Variants in MRPL3 observed in about 807,000 individuals in gnomAD.
MRPL3 encodes the protein mitochondrial ribosomal protein L3.
Under a neutral mutation model 44.3 loss-of-function variants are expected in MRPL3, and 43 were observed. The observed-to-expected ratio is 0.97, with a 90% CI of 0.76 to 1.25. The LOEUF is 1.25. Ranked by LOEUF, MRPL3 falls within the 50% of genes most tolerant of loss-of-function variation. The pLI, the probability that MRPL3 is intolerant of heterozygous loss-of-function variation, is 0.00. For missense variants in MRPL3, 406 were observed against 427.6 expected (o/e 0.95, Z 0.45); for synonymous variants, 171 against 152.3 (o/e 1.12, Z -0.91).
intron 3 of MRPL3, among the ~76,000 whole-genome samples, chr3:131,499,752 T>C (rs192273816): frequency 9.9e-5 from 15 of 151,850 alleles, no homozygotes; most frequent in Admixed American, 2.0e-4. Flanking sequence ...ATAATAATAA[T>C]AACAACAATG....
chr3:131,475,082 T>C (rs1353919890), intron 6 of MRPL3, among the ~76,000 whole-genome samples: 1 of 152,166 alleles, frequency 6.6e-6, no homozygotes, highest in Non-Finnish European at 1.5e-5. Context: ...ATGCCAGGCA[T>C]GTGACATATT....
At chr3:131,501,885 C>A in intron 1 of MRPL3, 170 bp from the exon 2 acceptor site, 1 of 1,539,462 alleles carries the variant, frequency 6.5e-7, no homozygotes. Context: ...TCCCCACATT[C>A]CTTCGGATAA....
rs68160977 is a variant in MRPL3, at chr3:131,478,708, A to ATTTT, written c.630-7433_630-7430dup. On this transcript the variant is annotated intron_variant, in intron 6 of 9. Coordinates refer to ENST00000264995, the MANE Select transcript of MRPL3 (RefSeq NM_007208.4). ...AGTTGCATCACCTGTGAAATATTCGATTTTTTTTTTTTTTTTTTGAGACAG... is the reference window on the plus strand; with the variant it reads ...AGTTGCATCACCTGTGAAATATTCGATTTTTTTTTTTTTTTTTTTTTTGAGACAG... Among the ~76,000 whole-genome samples the ATTTT allele has an allele frequency of 7.9e-3, 1,074 of 135,742 alleles. 23 individuals are homozygous for ATTTT. Among genetic ancestry groups the ATTTT allele is most frequent in the African/African-American group, 0.027 (979 of 36,066 alleles). The allele number at this position is 135,742 out of a possible 152,430, so 89.1% of individuals were successfully genotyped here. A position where few individuals can be genotyped will look rare whatever the true frequency, so the allele number is the denominator to read the frequency against.
At chr3:131,491,419 A>G (rs949935253) in intron 4 of MRPL3, among the ~76,000 whole-genome samples, 1 of 152,114 alleles carries the variant, frequency 6.6e-6, no homozygotes, top group African/African-American at 2.4e-5. Flanking sequence ...TCTAACTTCA[A>G]TTCCAAATTC....
chr3:131,462,792 C>T lies in MRPL3; in HGVS notation c.978G>A (p.Glu326=), dbSNP rs1933519622. 1 of 1,612,892 alleles carries T rather than the reference C, an allele frequency of 6.2e-7. No individual in the cohort carries two copies. The highest frequency in any genetic ancestry group is 8.5e-7 in the Non-Finnish European group (1 of 1,179,362). Reference sequence around the variant, plus strand: ...CATCATACAAATCTTCTGGCAGTTCCTCTTCATCTCCATCAGGAAAATATG... The same window carrying T: ...CATCATACAAATCTTCTGGCAGTTCTTCTTCATCTCCATCAGGAAAATATG... ...FPTYFPDGDE[E]ELPEDLYDEN... is the part of the protein sequence containing the mutation. Residue 326 remains glutamate, a synonymous_variant, in exon 10 of 10, where the codon GAG becomes GAA. Transcript: ENST00000264995.
rs143877226 is a variant in MRPL3, at chr3:131,501,551, G to A, written c.257C>T (p.Pro86Leu). The A allele has an allele frequency of 2.7e-5, 44 of 1,611,770 alleles. No homozygotes were observed. In the African/African-American group the frequency reaches 4.9e-4, roughly 18 times the overall value. Reference protein sequence around the residue: ...KLCPLKDEPWPIHPWEPGSFR... With the variant: ...KLCPLKDEPWLIHPWEPGSFR... ...ATCACCTGGTTCCCAAGGATGTATA[G>A]GCCATGGTTCATCTTTCAGAGGACA... Residue 86 changes from proline to leucine, a missense_variant, in exon 2 of 10, where the codon CCT (proline) becomes CTT (leucine). Coordinates refer to ENST00000264995, the MANE Select transcript of MRPL3 (RefSeq NM_007208.4).
intron 8 of MRPL3, 31 bp downstream of exon 8, chr3:131,469,665 G>C: frequency 6.7e-7 from 1 of 1,486,876 alleles, no homozygotes; most frequent in Non-Finnish European, 9.3e-7. Flanking sequence ...CAATTTAGCT[G>C]TTCCTAAAAA....
intron 6 of MRPL3, among the ~76,000 whole-genome samples, chr3:131,475,646 G>A (rs1256106452): frequency 6.6e-6 from 1 of 152,092 alleles, no homozygotes; most frequent in Non-Finnish European, 1.5e-5. Context: ...TTTTGGATGT[G>A]AAAACTCAAG....
intron 2 of MRPL3, 26 bp from the exon 3 acceptor site, chr3:131,500,547 G>A: frequency 6.3e-7 from 1 of 1,582,290 alleles, no homozygotes; most frequent in Non-Finnish European, 8.7e-7. Context: ...AAAGCAATGT[G>A]AACAAAAGCT....
chr3:131,491,106 A>C (rs983323718), intron 4 of MRPL3, among the ~76,000 whole-genome samples: 1 of 152,134 alleles, frequency 6.6e-6, no homozygotes, highest in African/African-American at 2.4e-5. Context: ...TTGACCACAT[A>C]TTCTTTAGCT....
rs144449733 is a variant in MRPL3, at chr3:131,492,338, T to C, written c.469-2258A>G. Among the ~76,000 whole-genome samples the C allele has an allele frequency of 7.2e-5, 11 of 152,252 alleles. No individual in the cohort carries two copies. The East Asian group carries it at 2.1e-3, about 29-fold the overall frequency. On this transcript the variant is annotated intron_variant, in intron 4 of 9. Coordinates refer to ENST00000264995, the MANE Select transcript of MRPL3 (RefSeq NM_007208.4). ...TATCTCCATGTGTCATGATACACAT[T>C]TTTTACTGTTTCTATGTCAGCAGTA...
chr3:131,477,542 G>A (rs998811161), intron 6 of MRPL3, among the ~76,000 whole-genome samples: 3 of 152,182 alleles, frequency 2.0e-5, no homozygotes, highest in Non-Finnish European at 4.4e-5. Context: ...TTCAGGAGCA[G>A]AGAGATTAAC....
At chr3:131,502,541 C>A (rs1242948015) in intron 1 of MRPL3, among the ~76,000 whole-genome samples, 189 bp downstream of exon 1, 1 of 152,182 alleles carries the variant, frequency 6.6e-6, no homozygotes, top group Non-Finnish European at 1.5e-5. Flanking sequence ...GGCTCATAAG[C>A]GTTTTTTAAA....
At chr3:131,492,533 A>G (rs1373131808) in intron 4 of MRPL3, among the ~76,000 whole-genome samples, 5 of 152,132 alleles carry the variant, frequency 3.3e-5, no homozygotes, top group Non-Finnish European at 2.9e-5. Flanking sequence ...CACAGCTCCT[A>G]TAGGGTTTGC....
chr3:131,490,143 G>T, intron 4 of MRPL3, 63 bp from the exon 5 acceptor site: 2 of 1,190,234 alleles, frequency 1.7e-6, no homozygotes, highest in Non-Finnish European at 2.5e-6. Flanking sequence ...TAAATGCATG[G>T]AGATCTAAAC....
rs763181807 is a variant in MRPL3 at position 131,498,279 on chromosome 3, T to TA, written c.370-3dup. 1.3e-6 allele frequency: 2 copies of TA among 1,583,694 alleles called. No homozygotes were observed. Among genetic ancestry groups the TA allele is most frequent in the Non-Finnish European group, 8.6e-7 (1 of 1,156,248 alleles). ...TTTTAAGACATGACAGTCTTGTACC[T>TA]AAAAAAACAAACATAAAAAAACTAA... On this transcript the variant is annotated splice_region_variant and splice_polypyrimidine_tract_variant and intron_variant, in intron 3 of 9. Coordinates refer to ENST00000264995, the MANE Select transcript of MRPL3 (RefSeq NM_007208.4).
rs114226736 is a variant in MRPL3, at chr3:131,477,183, A to G, written c.630-5904T>C. 6.0e-3 allele frequency among the ~76,000 whole-genome samples: 912 copies of G among 152,306 alleles called. 13 individuals carry two copies. The highest frequency in any genetic ancestry group is 0.02 in the African/African-American group (852 of 41,562). On this transcript the variant is annotated intron_variant, in intron 6 of 9. Coordinates refer to ENST00000264995, the MANE Select transcript of MRPL3 (RefSeq NM_007208.4). ...TGCCTTTCATTGCATGATTCTGGAT[A>G]TACTTGTCTATGGGGATAAAACGAA... is the stretch of plus-strand genomic sequence containing the variant.
intron 6 of MRPL3, among the ~76,000 whole-genome samples, chr3:131,479,819 T>C (rs1413102031): frequency 6.6e-6 from 1 of 152,224 alleles, no homozygotes; most frequent in Non-Finnish European, 1.5e-5. Flanking sequence ...CACTCCAGCC[T>C]GGGCGAAAGA....
intron 3 of MRPL3, 41 bp from the exon 4 acceptor site, chr3:131,498,318 T>C: frequency 1.5e-6 from 2 of 1,327,654 alleles, no homozygotes; most frequent in Non-Finnish European, 2.2e-6. Flanking sequence ...TGTGCCAATA[T>C]ATATTTTAAC....
Sources: allele counts gnomAD v4.1 joint callset (sites outside exome capture counted in the v4.1 genomes callset), GRCh38; gene constraint gnomAD v4.1.1; transcripts MANE v1.5; gene names NCBI Gene and HGNC (gene_info 2026-07-23, HGNC 2026-07-21).